Variants in WDR64 observed in about 807,000 individuals in gnomAD.
The protein encoded by WDR64 is WD repeat-containing protein 64.
A neutral mutation model predicts 139.3 loss-of-function variants in WDR64; 112 were observed. The ratio of observed to expected loss-of-function variants is 0.80; its 90% CI spans 0.69 to 0.94. The LOEUF (loss-of-function observed/expected upper bound fraction) is 0.94. Among genes scored for constraint, WDR64 ranks in the 40% least tolerant of loss-of-function variants. The pLI is 0.00. For synonymous variants in WDR64, 444 were observed against 437.7 expected, an observed-to-expected ratio of 1.01 and a Z score of -0.18; for missense variants, 1,206 against 1,293.1, an observed-to-expected ratio of 0.93 and a Z score of 1.03.
At position 241,660,641 on chromosome 1, in the gene WDR64, C is replaced by A; in HGVS notation, c.257C>A (p.Ala86Glu). ...AGGAAACTGTGCAACAACACGGATG[C>A]ATCTGCAGACTGGTGTGAGGTAGAC... The part of the protein sequence containing the change: ...FYRKLCNNTD[A>E]SADWCEIFGY... Residue 86 changes from alanine to glutamate, a missense_variant, in exon 2 of 28, where the codon GCA (alanine) becomes GAA (glutamate). Transcript: ENST00000437684. 1 of 1,551,400 alleles carries A rather than the reference C, an allele frequency of 6.4e-7. No individual in the cohort carries two copies. The highest frequency in any genetic ancestry group is 8.7e-7 in the Non-Finnish European group (1 of 1,146,706).
chr1:241,742,192 C>A (rs1050057030), intron 12 of WDR64, among the ~76,000 whole-genome samples: 1 of 152,168 alleles, frequency 6.6e-6, no homozygotes, highest in Non-Finnish European at 1.5e-5. Flanking sequence ...ATAAGCATGA[C>A]GGCTGGAATA....
intron 20 of WDR64, 129 bp from the exon 21 acceptor site, chr1:241,774,976 G>T: frequency 8.7e-6 from 6 of 691,506 alleles, no homozygotes; most frequent in Non-Finnish European, 1.4e-5. Context: ...ACAAACAGGG[G>T]AATCGTGGTT....
intron 14 of WDR64, among the ~76,000 whole-genome samples, chr1:241,754,620 T>C (rs1670108564): frequency 6.6e-6 from 1 of 152,090 alleles, no homozygotes; most frequent in South Asian, 2.1e-4. Flanking sequence ...GCCTGGCCCG[T>C]GCAGGTTTGT....
At chr1:241,735,533 C>CCTTTTTT (rs1237771842) in intron 10 of WDR64, among the ~76,000 whole-genome samples, 1 of 103,514 alleles carries the variant, frequency 9.7e-6, no homozygotes, top group Non-Finnish European at 1.9e-5. Context: ...CTCTCTCTCT[C>CCTTTTTT]TTTTTTTTTT....
In WDR64 at chr1:241,656,870, T is replaced by TTGTGTGTGTGTGTATGTGTG. The variant is rs1553359776; in HGVS notation, c.146-3647_146-3646insATGTGTGTGTGTGTGTGTGT. ...AAATGTCTCAAGTCTTTGCCAAATG[T>TTGTGTGTGTGTGTATGTGTG]TGTGTGTGTGTGTGTGTGTGTGTGT... On this transcript the variant is annotated intron_variant, in intron 1 of 27. Coordinates refer to ENST00000437684, the MANE Select transcript of WDR64 (RefSeq NM_001367482.1). This position sits in a 1 kb window ranked among gnomAD's most constrained non-coding sequence, Gnocchi z 4.3. Among the ~76,000 whole-genome samples the TTGTGTGTGTGTGTATGTGTG allele has an allele frequency of 5.8e-5, 5 of 86,722 alleles. No individual in the cohort carries two copies. The East Asian group carries it at 1.1e-3, about 20-fold the overall frequency. 56.9% of individuals were successfully genotyped at this position (86,722 alleles called of 152,430 possible). A position where few individuals can be genotyped will look rare whatever the true frequency, so the allele number is the denominator to read the frequency against.
At chr1:241,717,778 C>G (rs753983354) in intron 9 of WDR64, among the ~76,000 whole-genome samples, 1 of 152,058 alleles carries the variant, frequency 6.6e-6, no homozygotes, top group Non-Finnish European at 1.5e-5. Context: ...ATTGCTACTA[C>G]TAGATTGTGA....
chr1:241,774,991 A>T, intron 20 of WDR64, 114 bp from the exon 21 acceptor site: 1 of 780,566 alleles, frequency 1.3e-6, no homozygotes, highest in Non-Finnish European at 2.0e-6. Flanking sequence ...GTGGTTCAGT[A>T]GTAGAGATAA....
chr1:241,723,301 T>C lies in WDR64; in HGVS notation c.1059T>C (p.Asp353=), dbSNP rs1668674690. 6.2e-7 allele frequency: 1 copy of C among 1,613,780 alleles called. No individual in the cohort carries two copies. The highest frequency in any genetic ancestry group is 8.5e-7 in the Non-Finnish European group (1 of 1,179,820). The part of the protein sequence containing the change: ...VKANVIVTGG[D]DKVIRLWHPN... Reference sequence around the variant, plus strand: ...TTTCCCTGTCCTCCTTTTCAGGAGATGATAAGGTCATCCGGTTGTGGCACC... The same window carrying C: ...TTTCCCTGTCCTCCTTTTCAGGAGACGATAAGGTCATCCGGTTGTGGCACC... Residue 353 remains aspartate (D), a synonymous_variant, in exon 10 of 28, where the codon GAT becomes GAC. Coordinates refer to ENST00000437684, the MANE Select transcript of WDR64 (RefSeq NM_001367482.1).
At chr1:241,684,720 C>T (rs1666942219) in intron 7 of WDR64, among the ~76,000 whole-genome samples, 1 of 152,132 alleles carries the variant, frequency 6.6e-6, no homozygotes, top group African/African-American at 2.4e-5. Flanking sequence ...TCCCTATCTT[C>T]AAAAATATCA....
intron 9 of WDR64, among the ~76,000 whole-genome samples, chr1:241,712,845 C>T (rs1011025864): frequency 6.6e-6 from 1 of 151,956 alleles, no homozygotes; most frequent in African/African-American, 2.4e-5. Flanking sequence ...CAGAGGATCA[C>T]GTGAGCCCAG....
chr1:241,676,167 GC>G (rs1437591972), intron 4 of WDR64: 2 of 152,206 alleles, frequency 1.3e-5, no homozygotes, highest in Non-Finnish European at 2.9e-5. Flanking sequence ...GGCTGTGTGG[GC>G]CCTGGAGGTG....
rs10696205 is a variant in WDR64 at position 241,716,287 on chromosome 1, G to GAAAAAA, written c.1054+4413_1054+4418dup. Among the ~76,000 whole-genome samples the GAAAAAA allele has an allele frequency of 5.0e-4, 72 of 145,294 alleles. 1 individual carries two copies. The highest frequency in any genetic ancestry group is 1.1e-3 in the South Asian group (5 of 4,568). ...TTCAAAAAAGCACAAGCTTTTGCAGGAAAAAAAAAAAAGCCAAACCAGGAC... is the reference window on the plus strand; with the variant it reads ...TTCAAAAAAGCACAAGCTTTTGCAGGAAAAAAAAAAAAAAAAAAGCCAAACCAGGAC... On this transcript the variant is annotated intron_variant, in intron 9 of 27. Transcript: ENST00000437684.
In WDR64 at chr1:241,679,569, G is replaced by T. The variant is rs1049124894; in HGVS notation, c.598G>T (p.Asp200Tyr). 6.4e-7 allele frequency: 1 copy of T among 1,551,758 alleles called. No individual in the cohort carries two copies. The highest frequency in any genetic ancestry group is 1.2e-5 in the South Asian group (1 of 84,066). The change falls in exon 6 of 28, where the codon GAT becomes TAT. Residue 200 changes from aspartate (D) to tyrosine (Y), a missense_variant. By Grantham distance (160) the Asp-to-Tyr change is radical. Transcript: ENST00000437684. ...AACCGAAAGGACCATTATTGTCTGG[G>T]ATTATAAAGCTCAAGGGAGCAGCCA... ...ATTERTIIVW[D>Y]YKAQGSSQEN...
intron 23 of WDR64, among the ~76,000 whole-genome samples, chr1:241,786,672 C>T (rs1202507642): frequency 6.6e-6 from 1 of 152,244 alleles, no homozygotes; most frequent in Non-Finnish European, 1.5e-5. Flanking sequence ...ATCCCTCCTC[C>T]CTTAAGTTTG....
chr1:241,781,811 A>G (rs1658856738), intron 22 of WDR64, among the ~76,000 whole-genome samples: 2 of 152,378 alleles, frequency 1.3e-5, no homozygotes, highest in Admixed American at 1.3e-4. Flanking sequence ...TGTACATTTC[A>G]CATAGGTGAA....
At chr1:241,700,886 G>A (rs963185658) in intron 8 of WDR64, among the ~76,000 whole-genome samples, 1 of 152,126 alleles carries the variant, frequency 6.6e-6, no homozygotes, top group Non-Finnish European at 1.5e-5. Context: ...GACTTTTAAA[G>A]AAGACTTTGA....
intron 10 of WDR64, among the ~76,000 whole-genome samples, chr1:241,735,271 AT>A (rs1272325713): frequency 1.3e-5 from 2 of 152,200 alleles, no homozygotes; most frequent in African/African-American, 4.8e-5. Context: ...ATCCTGTTGT[AT>A]GAACGCAGCG....
chr1:241,717,226 G>C (rs1424352917), intron 9 of WDR64, among the ~76,000 whole-genome samples: 1 of 152,188 alleles, frequency 6.6e-6, no homozygotes, highest in Non-Finnish European at 1.5e-5. Flanking sequence ...GAAAATTCCA[G>C]ATTGCCCTCT....
intron 2 of WDR64, among the ~76,000 whole-genome samples, chr1:241,670,119 A>C (rs1666167252): frequency 6.6e-6 from 1 of 152,180 alleles, no homozygotes; most frequent in African/African-American, 2.4e-5. Context: ...ATTTATAAGA[A>C]TTTTATTTCT....
Sources: allele counts gnomAD v4.1 joint callset (sites outside exome capture counted in the v4.1 genomes callset), GRCh38; gene constraint gnomAD v4.1.1; non-coding constraint Gnocchi (gnomAD v3.1); transcripts MANE v1.5; gene names NCBI Gene and HGNC (gene_info 2026-07-23, HGNC 2026-07-21).